TRAF2: variants seen among roughly 807,000 people sequenced by gnomAD.
TRAF2 encodes TNF receptor-associated factor 2.
Under a neutral mutation model 55.6 loss-of-function variants are expected in TRAF2, and 6 were observed. The ratio of observed to expected loss-of-function variants is 0.11; its 90% confidence interval spans 0.06 to 0.21. The LOEUF (loss-of-function observed/expected upper bound fraction) is 0.21. Ranked by LOEUF, TRAF2 falls within the 10% of genes least tolerant of loss-of-function variation. TRAF2 has a pLI of 1.00. For synonymous variants in TRAF2, 329 were observed against 276.3 expected, an observed-to-expected ratio of 1.19 and a Z score of -1.89; for missense variants, 561 against 684.5, an observed-to-expected ratio of 0.82 and a Z score of 2.01.
At chr9:136,882,597 C>A, upstream of TRAF2, 1 of 927,980 alleles carries the variant, frequency 1.1e-6, no homozygotes, top group Non-Finnish European at 1.3e-6. Context: ...CCTGAGACTG[C>A]CCGGGGACAT....
intron 4 of TRAF2, among the ~76,000 whole-genome samples, chr9:136,903,003 G>C (rs1016531833): frequency 2.0e-5 from 3 of 151,938 alleles, no homozygotes; most frequent in African/African-American, 7.3e-5. Flanking sequence ...GTCTTGCTCT[G>C]TTGTCCAGGC....
chr9:136,925,162 C>CTA (rs1180203236), intron 10 of TRAF2, among the ~76,000 whole-genome samples: 1 of 152,188 alleles, frequency 6.6e-6, no homozygotes, highest in African/African-American at 2.4e-5. Context: ...CCCCCTATAG[C>CTA]TAGTGGAGTA....
intron 1 of TRAF2, among the ~76,000 whole-genome samples, chr9:136,898,297 C>G (rs1253776255): frequency 6.6e-6 from 1 of 152,220 alleles, no homozygotes; most frequent in African/African-American, 2.4e-5. Context: ...ATCCACCACT[C>G]TAAAACATGC....
chr9:136,904,408 A>AT (rs1334531048), intron 4 of TRAF2, among the ~76,000 whole-genome samples: 1 of 151,176 alleles, frequency 6.6e-6, no homozygotes, highest in South Asian at 2.1e-4. Context: ...TTTTATTTTT[A>AT]TTTTTTTATT....
intron 9 of TRAF2, among the ~76,000 whole-genome samples, chr9:136,921,620 A>G (rs1301678029): frequency 6.6e-6 from 1 of 151,332 alleles, no homozygotes; most frequent in Non-Finnish European, 1.5e-5. Context: ...AGGGCCTTGG[A>G]GCTGAGCTAG....
chr9:136,910,737 A>G (rs2131312363), intron 6 of TRAF2, among the ~76,000 whole-genome samples: 1 of 152,322 alleles, frequency 6.6e-6, no homozygotes, highest in Admixed American at 6.5e-5. Flanking sequence ...TCAGCCTGAC[A>G]GGTGTGTGCC....
upstream of TRAF2, among the ~76,000 whole-genome samples, chr9:136,883,359 TG>T (rs1018355115): frequency 3.3e-5 from 5 of 152,166 alleles, no homozygotes; most frequent in Non-Finnish European, 7.3e-5. Context: ...TTTCTGGACT[TG>T]GGGTGGGGCT....
At chr9:136,923,480 G>A (rs941969384) in intron 9 of TRAF2, among the ~76,000 whole-genome samples, 4 of 151,838 alleles carry the variant, frequency 2.6e-5, no homozygotes, top group African/African-American at 4.8e-5. Flanking sequence ...GTGTGGTGTC[G>A]AGCGTCTGTA....
intron 1 of TRAF2, among the ~76,000 whole-genome samples, chr9:136,889,205 G>A (rs1217493174): frequency 6.8e-6 from 1 of 146,266 alleles, no homozygotes; most frequent in Non-Finnish European, 1.5e-5. Context: ...TTTTTTGTTT[G>A]TGTGGTTTTT....
chr9:136,917,408 C>T (rs1237651877), intron 7 of TRAF2, among the ~76,000 whole-genome samples: 1 of 152,222 alleles, frequency 6.6e-6, no homozygotes, highest in African/African-American at 2.4e-5. Flanking sequence ...GGTGGACCCC[C>T]CTGCTCCACC....
chr9:136,884,367 G>A (rs1231971776), upstream of TRAF2, among the ~76,000 whole-genome samples: 2 of 151,888 alleles, frequency 1.3e-5, no homozygotes, highest in Non-Finnish European at 2.9e-5. Flanking sequence ...AGACCAGCCT[G>A]AGCAACACGG....
rs770174694 is a variant in TRAF2 at position 136,910,001 on chromosome 9, G to A, written c.603+7G>A. On this transcript the variant is annotated splice_region_variant and intron_variant, in intron 6 of 10. Coordinates refer to ENST00000247668, the MANE Select transcript of TRAF2 (RefSeq NM_021138.4). ...GAAGATCCCCCGGGAGAAGGTGAGT[G>A]TCCTTCACCTCCTTGGAGGACCGCA... 1 of 1,613,334 alleles carries A rather than the reference G, an allele frequency of 6.2e-7. No individual in the cohort carries two copies. Among genetic ancestry groups the A allele is most frequent in the African/African-American group, 1.3e-5 (1 of 75,000 alleles).
chr9:136,913,673 C>CTT (rs1310089624), intron 6 of TRAF2, among the ~76,000 whole-genome samples: 3 of 152,086 alleles, frequency 2.0e-5, no homozygotes, highest in Non-Finnish European at 4.4e-5. Flanking sequence ...AGTTCATTTG[C>CTT]TTCAGGTTCT....
At position 136,898,758 on chromosome 9, in the gene TRAF2, G is replaced by GA; in HGVS notation, c.19dup (p.Thr7AsnfsTer73). The GA allele has an allele frequency of 6.2e-7, 1 of 1,613,510 alleles. No homozygotes were observed. The highest frequency in any genetic ancestry group is 8.5e-7 in the Non-Finnish European group (1 of 1,180,026). ...CAGCTCTCATGGCTGCAGCTAGCGT[G>GA]ACCCCCCCTGGCTCCCTGGAGTTGC... On this transcript the variant is annotated frameshift_variant, in exon 2 of 11. Coordinates refer to ENST00000247668, the MANE Select transcript of TRAF2 (RefSeq NM_021138.4). LOFTEE classifies it high-confidence loss of function.
chr9:136,890,688 CAAATA>C (rs927380142), intron 1 of TRAF2: 2 of 152,190 alleles, frequency 1.3e-5, no homozygotes, highest in African/African-American at 4.8e-5. Flanking sequence ...GAATGAGATT[CAAATA>C]AAATGTTTAA....
At chr9:136,910,690 A>G (rs1404964217) in intron 6 of TRAF2, among the ~76,000 whole-genome samples, 4 of 152,188 alleles carry the variant, frequency 2.6e-5, no homozygotes, top group Non-Finnish European at 4.4e-5. Flanking sequence ...CTGGGCAGCT[A>G]CAGGAGGGGT....
chr9:136,919,659 CCCCT>C (rs1850334646), intron 7 of TRAF2, among the ~76,000 whole-genome samples: 1 of 103,164 alleles, frequency 9.7e-6, no homozygotes. Context: ...TCTGTCCCTC[CCCCT>C]CCTTCTTTCC....
At position 136,920,445 on chromosome 9, in the gene TRAF2, C is replaced by A; in HGVS notation, c.890C>A (p.Ala297Asp). Reference sequence around the variant, plus strand: ...CTGAACCGGGAGGTGGAGAGGGTGGCCATGACTGCCGAGGCCTGCAGCCGG... The same window carrying A: ...CTGAACCGGGAGGTGGAGAGGGTGGACATGACTGCCGAGGCCTGCAGCCGG... Reference protein sequence around the residue: ...CVLNREVERVAMTAEACSRQH... With the variant: ...CVLNREVERVDMTAEACSRQH... Residue 297 changes from alanine (A) to aspartate (D), a missense_variant, in exon 8 of 11, where the codon GCC becomes GAC. By Grantham distance (126) the Ala-to-Asp change is moderately radical. Transcript: ENST00000247668. 1 of 1,613,938 alleles carries A rather than the reference C, an allele frequency of 6.2e-7. No individual in the cohort carries two copies. The highest frequency in any genetic ancestry group is 8.5e-7 in the Non-Finnish European group (1 of 1,180,026).
At chr9:136,908,332 C>T (rs766578362) in intron 5 of TRAF2, 101 bp downstream of exon 5, 25 of 1,295,486 alleles carry the variant, frequency 1.9e-5, no homozygotes, top group Middle Eastern at 2.7e-4. Flanking sequence ...CCTTTGCACT[C>T]GTTCCACCCC....
Sources: gnomAD v4.1 joint callset for allele counts (sites outside exome capture counted in the v4.1 genomes callset) on GRCh38, gnomAD v4.1.1 for gene constraint, MANE v1.5 for transcripts, NCBI Gene and HGNC (gene_info 2026-07-23, HGNC 2026-07-21) for gene names.